Variants in KCNAB2 observed in about 807,000 individuals in gnomAD.
KCNAB2 encodes the protein potassium voltage-gated channel subfamily A regulatory beta subunit 2, also known as voltage-gated potassium channel subunit beta-2.
In KCNAB2, 29 loss-of-function variants were observed where a neutral mutation model predicts 63.6. The ratio of observed to expected loss-of-function variants is 0.46; its 90% CI spans 0.34 to 0.62. The LOEUF (loss-of-function observed/expected upper bound fraction) is 0.62, where lower values mean the gene tolerates loss of function less well. KCNAB2 is among the 20% of genes least tolerant of loss of function. The pLI is 0.01. For synonymous variants in KCNAB2, 222 were observed against 224.2 expected (o/e 0.99, Z 0.09); for missense variants, 359 against 563.9 (o/e 0.64, Z 3.68).
intron 1 of KCNAB2, among the ~76,000 whole-genome samples, chr1:6,038,354 G>A (rs888772152): frequency 2.6e-5 from 4 of 151,784 alleles, no homozygotes; most frequent in African/African-American, 4.8e-5. Context: ...GCAGTGACAC[G>A]ATCATAGCAC....
At chr1:6,095,748 G>C (rs1057186307) in intron 13 of KCNAB2, 124 bp downstream of exon 13, 1 of 875,554 alleles carries the variant, frequency 1.1e-6, no homozygotes, top group Non-Finnish European at 1.8e-6. Flanking sequence ...TCCCACCTCG[G>C]TCTGCTGGGG....
chr1:6,097,318 C>T lies in KCNAB2; in HGVS notation c.1119C>T (p.Ser373=). ...TCAGCTCCGTGCTCCTGGGGGCCTC[C>T]AATGCGGACCAGCTCATGGAGAACA... is the stretch of plus-strand genomic sequence containing the variant. ...EGVSSVLLGA[S]NADQLMENIG... Residue 373 remains serine, a synonymous_variant, in exon 15 of 16, where the codon TCC becomes TCT. Coordinates refer to ENST00000378083, the MANE Select transcript of KCNAB2 (RefSeq NM_001199862.2). The T allele has an allele frequency of 3.9e-6, 6 of 1,552,786 alleles. No homozygotes were observed. Among genetic ancestry groups the T allele is most frequent in the Non-Finnish European group, 5.2e-6 (6 of 1,147,560 alleles).
chr1:6,080,831 C>T (rs764931452), intron 4 of KCNAB2, among the ~76,000 whole-genome samples: 5 of 152,222 alleles, frequency 3.3e-5, no homozygotes, highest in Non-Finnish European at 7.3e-5. Context: ...ACAAGGGCTT[C>T]TGAGTTCAGA....
chr1:6,040,427 C>A (rs1660403979), intron 1 of KCNAB2: 4 of 708,998 alleles, frequency 5.6e-6, no homozygotes, highest in East Asian at 2.7e-5. Flanking sequence ...GCCTCCTCAG[C>A]CTTTGTGATC....
At chr1:6,076,646 G>C (rs900831488) in intron 4 of KCNAB2, among the ~76,000 whole-genome samples, 1 of 152,188 alleles carries the variant, frequency 6.6e-6, no homozygotes, top group African/African-American at 2.4e-5. Flanking sequence ...GCCACAGGGG[G>C]TTCCACCTGG....
intron 8 of KCNAB2, 88 bp downstream of exon 8, chr1:6,089,139 C>T: frequency 7.4e-7 from 1 of 1,358,082 alleles, no homozygotes; most frequent in Non-Finnish European, 1.0e-6. Context: ...GGCCCGACCC[C>T]CCCAGTTAAC....
At chr1:6,005,889 T>C (rs143811699) in intron 1 of KCNAB2, among the ~76,000 whole-genome samples, 1,704 of 146,904 alleles carry the variant, frequency 0.012, 12 homozygotes, top group South Asian at 0.02. Flanking sequence ...TTCTGATCCA[T>C]TCCACCCTCA....
intron 2 of KCNAB2, among the ~76,000 whole-genome samples, chr1:6,057,075 A>G (rs115204324): frequency 2.0e-3 from 295 of 150,858 alleles, no homozygotes; most frequent in African/African-American, 6.7e-3. Flanking sequence ...CTTGGTCTTA[A>G]TCTACTTTCC....
Position 6,087,885 on chromosome 1 carries a change from A to G in KCNAB2, c.470+374A>G, listed in dbSNP as rs1406392515. Among the ~76,000 whole-genome samples the G allele has an allele frequency of 6.6e-6, 1 of 152,206 alleles. No homozygotes were observed. Among genetic ancestry groups the G allele is most frequent in the East Asian group, 1.9e-4 (1 of 5,206 alleles). ...ACATCATAAAAATTATAGAGAAAAC[A>G]GAAAATTTGTGAACTGCCCAAACCC... On this transcript the variant is annotated intron_variant, in intron 7 of 15. Transcript: ENST00000378083. This position sits in a 1 kb window ranked among gnomAD's most constrained non-coding sequence, Gnocchi z 6.4.
Position 6,086,392 on chromosome 1 carries a change from C to A in KCNAB2, c.426-1075C>A, listed in dbSNP as rs1243815450. ...GCAAATCCCCTGATCACGTCTTTGG[C>A]GAATGTGCATGGAGGTGGTGTGGGG... On this transcript the variant is annotated intron_variant, in intron 6 of 15. Coordinates refer to ENST00000378083, the MANE Select transcript of KCNAB2 (RefSeq NM_001199862.2). This position sits in a 1 kb window ranked among gnomAD's most constrained non-coding sequence, Gnocchi z 4.2. The A allele has an allele frequency of 1.0e-6, 1 of 984,688 alleles. No individual in the cohort carries two copies. The highest frequency in any genetic ancestry group is 1.2e-6 in the Non-Finnish European group (1 of 829,348). The allele number at this position is 984,688 out of a possible 1,614,324, so 61.0% of individuals were successfully genotyped here.
intron 8 of KCNAB2, among the ~76,000 whole-genome samples, chr1:6,089,451 A>G (rs2100757652): frequency 6.6e-6 from 1 of 152,364 alleles, no homozygotes; most frequent in Non-Finnish European, 1.5e-5. Context: ...CCCGGGGCTC[A>G]GCACTCGCAG....
At chr1:6,064,662 G>T (rs1041840563) in intron 2 of KCNAB2, among the ~76,000 whole-genome samples, 3 of 152,168 alleles carry the variant, frequency 2.0e-5, no homozygotes, top group Non-Finnish European at 4.4e-5. Flanking sequence ...CAGGGCTGTG[G>T]CCTTTGAATC....
At position 6,051,632 on chromosome 1, in the gene KCNAB2, G is replaced by A. The variant is rs559014790; in HGVS notation, c.96G>A (p.Leu32=). The A allele has an allele frequency of 5.0e-5, 76 of 1,534,614 alleles. No individual in the cohort carries two copies. The highest frequency in any genetic ancestry group is 6.0e-5 in the Non-Finnish European group (69 of 1,146,686). The change falls in exon 2 of 16, where the codon CTG becomes CTA. Residue 32 remains leucine, a synonymous_variant. Transcript: ENST00000378083. ...ACCCCGTCCGCCAGACGGACACGCT[G>A]GAACTGCAGCGGCTGCGGGAGGTGC... is the stretch of plus-strand genomic sequence containing the variant. The part of the protein sequence containing the change: ...ALHPVRQTDT[L]ELQRLREVRA...
Position 6,086,566 on chromosome 1 carries a change from C to T in KCNAB2, c.426-901C>T, listed in dbSNP as rs796608068. On this transcript the variant is annotated intron_variant, in intron 6 of 15. Transcript: ENST00000378083. This position sits in a 1 kb window ranked among gnomAD's most constrained non-coding sequence, Gnocchi z 4.2. The stretch of plus-strand genomic sequence containing the variant: ...GGAAAGAAGCTCAGCCATGGGGCAC[C>T]AGGAGGTCATTGTCACCCCCTGGGT... Among the ~76,000 whole-genome samples, 4 of 152,240 alleles carry T rather than the reference C, an allele frequency of 2.6e-5. No homozygotes were observed. The highest frequency in any genetic ancestry group is 9.6e-5 in the African/African-American group (4 of 41,554).
intron 2 of KCNAB2, among the ~76,000 whole-genome samples, chr1:6,067,498 C>T (rs1037510759): frequency 1.3e-5 from 2 of 152,164 alleles, no homozygotes; most frequent in Non-Finnish European, 2.9e-5. Context: ...AGTTGGGCCT[C>T]GTGTGAAAAC....
chr1:6,092,412 T>C (rs949443220), intron 10 of KCNAB2, among the ~76,000 whole-genome samples: 1 of 152,236 alleles, frequency 6.6e-6, no homozygotes, highest in Non-Finnish European at 1.5e-5. Flanking sequence ...CAGGGCAGCA[T>C]GCGGTTTCAC....
chr1:5,998,272 G>C (rs1231430552), intron 1 of KCNAB2, among the ~76,000 whole-genome samples: 1 of 152,230 alleles, frequency 6.6e-6, no homozygotes, highest in Non-Finnish European at 1.5e-5. Context: ...TGGGGAGGGA[G>C]GGAAGAGGAG....
Position 6,099,828 on chromosome 1 carries a change from G to A in KCNAB2, c.*1254G>A, listed in dbSNP as rs555690192. ...TGACACCTGGGACAGGCTGGGCAGA[G>A]GGGAGAGAGGGCAGGACAGGCCAGA... On this transcript the variant is annotated 3_prime_UTR_variant, in exon 16 of 16. Coordinates refer to ENST00000378083, the MANE Select transcript of KCNAB2 (RefSeq NM_001199862.2). 1.9e-5 allele frequency: 29 copies of A among 1,538,078 alleles called. No homozygotes were observed. In the African/African-American group the frequency reaches 3.2e-4, roughly 17 times the overall value.
At chr1:6,044,989 C>T (rs920667484), upstream of KCNAB2, among the ~76,000 whole-genome samples, 2 of 152,110 alleles carry the variant, frequency 1.3e-5, no homozygotes, top group Non-Finnish European at 2.9e-5. Context: ...AGGCGCAGGC[C>T]CCCCGACCAG....
Sources: gnomAD v4.1 joint callset for allele counts (sites outside exome capture counted in the v4.1 genomes callset) on GRCh38, gnomAD v4.1.1 for gene constraint, Gnocchi (gnomAD v3.1) non-coding constraint, MANE v1.5 for transcripts, NCBI Gene and HGNC (gene_info 2026-07-23, HGNC 2026-07-21) for gene names.